Variants in NCALD observed in about 807,000 individuals in gnomAD.
NCALD encodes the protein neurocalcin delta.
In NCALD, 10 loss-of-function variants were observed where a neutral mutation model predicts 18.6. That is an observed-to-expected ratio of 0.54 (90% CI 0.33 to 0.91). The LOEUF (loss-of-function observed/expected upper bound fraction) is 0.91, where lower values mean the gene tolerates loss of function less well. Ranked by LOEUF, NCALD falls within the 40% of genes least tolerant of loss-of-function variation. The pLI is 0.03. For synonymous variants in NCALD, 88 were observed against 87.4 expected (o/e 1.01, Z -0.04); for missense variants, 184 against 247.6 (o/e 0.74, Z 1.72).
At position 101,686,614 on chromosome 8, in the gene NCALD, T is replaced by C. The variant is rs956806402; in HGVS notation, c.*2695A>G. 6.6e-6 allele frequency: 1 copy of C among 152,604 alleles called. No individual in the cohort carries two copies. The highest frequency in any genetic ancestry group is 1.5e-5 in the Non-Finnish European group (1 of 68,042). The allele number at this position is 152,604 out of a possible 1,614,324, so 9.5% of individuals were successfully genotyped here. On this transcript the variant is annotated 3_prime_UTR_variant, in exon 4 of 4. Coordinates refer to ENST00000220931, the MANE Select transcript of NCALD (RefSeq NM_032041.3). Reference sequence around the variant, plus strand: ...GTCAACTGATTTACGGGCCACTCCATAGGCTATGATTTATAAATTATATAT... The same window carrying C: ...GTCAACTGATTTACGGGCCACTCCACAGGCTATGATTTATAAATTATATAT...
At chr8:101,736,922 CTGAT>C (rs1009983050) in intron 1 of NCALD, among the ~76,000 whole-genome samples, 5 of 152,106 alleles carry the variant, frequency 3.3e-5, no homozygotes, top group African/African-American at 9.7e-5. Context: ...AGCATATTGA[CTGAT>C]TGAGTGCATT....
At chr8:101,891,709 A>G (rs1316142599) in intron 3 of NCALD, among the ~76,000 whole-genome samples, 1 of 152,246 alleles carries the variant, frequency 6.6e-6, no homozygotes, top group African/African-American at 2.4e-5. Flanking sequence ...GGGAAGCGCA[A>G]GGGGTCAGGG....
chr8:101,708,035 G>C (rs187985525), intron 2 of NCALD, among the ~76,000 whole-genome samples: 2 of 152,252 alleles, frequency 1.3e-5, no homozygotes, highest in African/African-American at 4.8e-5. Context: ...GGACTGCCAG[G>C]AGTAACGTGA....
At chr8:101,948,698 G>T (rs1340473426) in intron 2 of NCALD, among the ~76,000 whole-genome samples, 1 of 152,212 alleles carries the variant, frequency 6.6e-6, no homozygotes, top group Non-Finnish European at 1.5e-5. Context: ...GAAAGGAACA[G>T]TTGAAAAGAA....
chr8:101,840,422 G>T (rs898550860), intron 4 of NCALD, among the ~76,000 whole-genome samples: 1 of 152,128 alleles, frequency 6.6e-6, no homozygotes, highest in African/African-American at 2.4e-5. Context: ...CTGAAAAACA[G>T]AAAATGCTTT....
intron 4 of NCALD, among the ~76,000 whole-genome samples, chr8:101,821,483 C>A (rs919345576): frequency 2.0e-5 from 3 of 152,126 alleles, no homozygotes; most frequent in Admixed American, 6.5e-5. Flanking sequence ...TGGATTTGAA[C>A]CAAGTTGTCT....
intron 1 of NCALD, among the ~76,000 whole-genome samples, chr8:101,775,743 T>C (rs1811765551): frequency 6.6e-6 from 1 of 152,222 alleles, no homozygotes; most frequent in African/African-American, 2.4e-5. Context: ...GCAACCTTCA[T>C]GCAGCCATTT....
At chr8:101,697,615 T>A (rs922284523) in intron 2 of NCALD, among the ~76,000 whole-genome samples, 3 of 152,094 alleles carry the variant, frequency 2.0e-5, no homozygotes, top group Non-Finnish European at 4.4e-5. Flanking sequence ...GTTGGCTTCA[T>A]CCCTGGGATG....
chr8:101,857,360 T>C (rs1815361053), intron 4 of NCALD, among the ~76,000 whole-genome samples: 1 of 152,186 alleles, frequency 6.6e-6, no homozygotes, highest in Non-Finnish European at 1.5e-5. Flanking sequence ...AAACACAGTC[T>C]AATACTGACA....
chr8:101,844,778 T>C (rs970126335), intron 4 of NCALD, among the ~76,000 whole-genome samples: 1 of 152,210 alleles, frequency 6.6e-6, no homozygotes, highest in African/African-American at 2.4e-5. Flanking sequence ...TGAGTTCTTA[T>C]TCTAGCAATA....
At chr8:101,978,119 G>A (rs2387331) in intron 2 of NCALD, among the ~76,000 whole-genome samples, 23,632 of 151,520 alleles carry the variant, frequency 0.16, 2,664 homozygotes, top group African/African-American at 0.31. Flanking sequence ...CCACCCCCGA[G>A]AAGTGCATAT....
chr8:101,987,903 C>T (rs1820875346), intron 2 of NCALD, among the ~76,000 whole-genome samples: 1 of 152,046 alleles, frequency 6.6e-6, no homozygotes, highest in Admixed American at 6.5e-5. Context: ...GCCTGTAATC[C>T]CAGCACTTTC....
intron 1 of NCALD, among the ~76,000 whole-genome samples, chr8:101,730,479 C>CA (rs869241027): frequency 0.082 from 3,559 of 43,350 alleles, 510 homozygotes; most frequent in East Asian, 0.23. Flanking sequence ...GACTCCATCT[C>CA]AAAAAAAAAA....
chr8:101,827,886 G>A (rs988159664), intron 4 of NCALD, among the ~76,000 whole-genome samples: 2 of 152,164 alleles, frequency 1.3e-5, no homozygotes, highest in East Asian at 1.9e-4. Flanking sequence ...ACAAGGAAAT[G>A]AGTTCTATAC....
chr8:101,837,414 T>C lies in NCALD; in HGVS notation c.-20+49727A>G, dbSNP rs185761836. Among the ~76,000 whole-genome samples, 214 of 152,258 alleles carry C rather than the reference T, an allele frequency of 1.4e-3. 3 individuals carry two copies. The highest frequency in any genetic ancestry group is 0.013 in the Admixed American group (203 of 15,294). On this transcript the variant is annotated intron_variant, in intron 4 of 6. Coordinates refer to the NCALD transcript ENST00000311028. ...TAAATCAAACCATTTAATTCCGTTA[T>C]TTACAACATTTGGATATCTACACAG...
chr8:101,776,102 C>A (rs984079790), intron 1 of NCALD, among the ~76,000 whole-genome samples: 8 of 152,112 alleles, frequency 5.3e-5, no homozygotes, highest in Non-Finnish European at 1.0e-4. Context: ...TATAGACAAA[C>A]AAAAGAACTC....
intron 1 of NCALD, among the ~76,000 whole-genome samples, chr8:101,790,256 C>T (rs2131015218): frequency 6.6e-6 from 1 of 152,294 alleles, no homozygotes; most frequent in East Asian, 1.9e-4. Flanking sequence ...ACCCCAACTT[C>T]CTTGGCATAT....
At chr8:101,943,092 A>G (rs1297140342) in intron 2 of NCALD, among the ~76,000 whole-genome samples, 1 of 152,208 alleles carries the variant, frequency 6.6e-6, no homozygotes, top group African/African-American at 2.4e-5. Context: ...GAGTGTGTAC[A>G]GAGAACCAAA....
intron 2 of NCALD, among the ~76,000 whole-genome samples, chr8:101,918,740 C>CCACACACACA (rs34480976): frequency 0.027 from 3,795 of 140,704 alleles, 65 homozygotes; most frequent in Middle Eastern, 0.043. Flanking sequence ...TTTACAATAG[C>CCACACACACA]CACACACACA....
Sources: allele counts gnomAD v4.1 joint callset (sites outside exome capture counted in the v4.1 genomes callset), GRCh38; gene constraint gnomAD v4.1.1; transcripts MANE v1.5; gene names NCBI Gene and HGNC (gene_info 2026-07-23, HGNC 2026-07-21).